The following AXDND1 variants were observed in gnomAD, a reference collection of about 807,000 sequenced individuals.
AXDND1 encodes axonemal dynein light chain domain-containing protein 1.
AXDND1 carries 110 observed loss-of-function variants against 137.5 expected under a neutral mutation model. That is an observed-to-expected ratio of 0.80 (90% confidence interval 0.69 to 0.94). AXDND1 has a LOEUF of 0.94. Among genes scored for constraint, AXDND1 ranks in the 40% least tolerant of loss-of-function variants. AXDND1 has a pLI of 0.00. For synonymous variants in AXDND1, 414 were observed against 399.7 expected (o/e 1.04, Z -0.43); for missense variants, 1,191 against 1,169.8 (o/e 1.02, Z -0.26).
At chr1:179,394,400 C>T (rs1650694439) in intron 10 of AXDND1, among the ~76,000 whole-genome samples, 1 of 151,962 alleles carries the variant, frequency 6.6e-6, no homozygotes, top group Non-Finnish European at 1.5e-5. Context: ...ACCAGCCTGG[C>T]CAACATGGTG....
At position 179,488,882 on chromosome 1, in the gene AXDND1, G is replaced by A. The variant is rs539850759; in HGVS notation, c.2092-2656G>A. On this transcript the variant is annotated intron_variant, in intron 18 of 25. Transcript: ENST00000367618. ...CCCAAGTAGCTGGAATTACAGGCGC[G>A]TGCCACCACACCAGGCCAATTTTTG... Among the ~76,000 whole-genome samples the A allele has an allele frequency of 1.2e-4, 17 of 145,308 alleles. 3 individuals are homozygous for A. The highest frequency in any genetic ancestry group is 6.4e-4 in the South Asian group (3 of 4,710).
At chr1:179,473,266 T>A (rs12133023) in intron 17 of AXDND1, among the ~76,000 whole-genome samples, 1 of 151,762 alleles carries the variant, frequency 6.6e-6, no homozygotes. Flanking sequence ...GAGGCCAAGA[T>A]GGGGGTGGAT....
intron 16 of AXDND1, chr1:179,457,278 C>G (rs895396271): frequency 3.0e-6 from 2 of 667,328 alleles, no homozygotes; most frequent in Non-Finnish European, 5.3e-6. Context: ...GCTCAACCGT[C>G]CAAGGAAGAG....
At chr1:179,432,974 A>G (rs1159738350) in intron 15 of AXDND1, among the ~76,000 whole-genome samples, 2 of 152,220 alleles carry the variant, frequency 1.3e-5, no homozygotes, top group Non-Finnish European at 2.9e-5. Context: ...ACTTTAAAAA[A>G]TATGCTTAAA....
intron 18 of AXDND1, among the ~76,000 whole-genome samples, chr1:179,485,158 C>G (rs1327550287): frequency 6.6e-6 from 1 of 152,200 alleles, no homozygotes; most frequent in African/African-American, 2.4e-5. Flanking sequence ...ACATCCCTGC[C>G]CTCATTAGTG....
chr1:179,369,918 T>G, intron 3 of AXDND1, 57 bp from the exon 4 acceptor site: 1 of 1,348,370 alleles, frequency 7.4e-7, no homozygotes, highest in South Asian at 1.2e-5. Context: ...TATTAATACA[T>G]TTTATTTGAT....
intron 21 of AXDND1, among the ~76,000 whole-genome samples, chr1:179,523,501 A>C (rs1670260752): frequency 6.6e-6 from 1 of 152,168 alleles, no homozygotes; most frequent in South Asian, 2.1e-4. Flanking sequence ...AATCATTCCC[A>C]AAAAGAAAAT....
At chr1:179,383,675 C>G in intron 8 of AXDND1, 131 bp downstream of exon 8, 1 of 626,374 alleles carries the variant, frequency 1.6e-6, no homozygotes. Context: ...GTATTTGTAC[C>G]TCAGTTTCCT....
chr1:179,413,030 G>C (rs770581514), intron 12 of AXDND1, among the ~76,000 whole-genome samples: 1 of 151,978 alleles, frequency 6.6e-6, no homozygotes, highest in Non-Finnish European at 1.5e-5. Context: ...TGTCAATTGA[G>C]ATTACTACAT....
Position 179,380,679 on chromosome 1 carries a change from A to G in AXDND1, c.581+1197A>G, listed in dbSNP as rs1484582416. Among the ~76,000 whole-genome samples the G allele has an allele frequency of 2.6e-5, 4 of 152,154 alleles. No individual in the cohort carries two copies. The East Asian group carries it at 7.7e-4, about 29-fold the overall frequency. ...ATCCAGAGGCTGTCACTCTTTTGAT[A>G]TTGTCTTTCCAATATGTATGTTATA... On this transcript the variant is annotated intron_variant, in intron 6 of 25. Transcript: ENST00000367618.
intron 14 of AXDND1, among the ~76,000 whole-genome samples, chr1:179,432,053 C>T (rs1657453050): frequency 1.3e-5 from 2 of 152,098 alleles, no homozygotes; most frequent in African/African-American, 4.8e-5. Context: ...GGCCCATGGC[C>T]CTGTAACTTG....
chr1:179,459,972 TCTTTTTC>T (rs1161213754), intron 16 of AXDND1, among the ~76,000 whole-genome samples: 1 of 140,042 alleles, frequency 7.1e-6, no homozygotes, highest in Non-Finnish European at 1.6e-5. Context: ...TTTCTTTCTT[TCTTTTTC>T]TTTCTTTCTT....
rs192078793 is a variant in AXDND1 at position 179,422,170 on chromosome 1, G to A, written c.1231-7348G>A. 6.4e-4 allele frequency among the ~76,000 whole-genome samples: 95 copies of A among 147,378 alleles called. 1 individual carries two copies. The highest frequency in any genetic ancestry group is 2.0e-4 in the Non-Finnish European group (13 of 66,520). The stretch of plus-strand genomic sequence containing the variant: ...CTTCTACTAATTTTAGGTTTGGTTT[G>A]TTCTTGCTTTTCTAGTTCCTTGAGG... On this transcript the variant is annotated intron_variant, in intron 12 of 25. Transcript: ENST00000367618.
At chr1:179,551,796 C>A (rs903797877) in intron 25 of AXDND1, 1 of 295,378 alleles carries the variant, frequency 3.4e-6, no homozygotes. Context: ...GAAAGGGTGA[C>A]CCCCAACTCA....
chr1:179,533,493 C>A (rs1419764679), intron 23 of AXDND1, among the ~76,000 whole-genome samples: 1 of 151,974 alleles, frequency 6.6e-6, no homozygotes, highest in South Asian at 2.1e-4. Flanking sequence ...TTTTTTAAAT[C>A]TTTTTTTATT....
At chr1:179,380,218 C>T (rs1648029751) in intron 6 of AXDND1, among the ~76,000 whole-genome samples, 1 of 151,370 alleles carries the variant, frequency 6.6e-6, no homozygotes, top group Non-Finnish European at 1.5e-5. Context: ...CACTGCACTC[C>T]AGCCTGGGCG....
At chr1:179,415,028 C>T (rs183832452) in intron 12 of AXDND1, among the ~76,000 whole-genome samples, 4 of 152,190 alleles carry the variant, frequency 2.6e-5, no homozygotes, top group Admixed American at 1.3e-4. Context: ...TTGGCACAAT[C>T]GATTATTCAA....
intron 21 of AXDND1, among the ~76,000 whole-genome samples, chr1:179,517,523 G>C (rs1354657644): frequency 2.0e-5 from 3 of 152,210 alleles, no homozygotes; most frequent in African/African-American, 7.2e-5. Context: ...CCTTCTCCTT[G>C]GGGCGTTTTC....
chr1:179,374,924 G>A (rs1668434873), intron 4 of AXDND1, among the ~76,000 whole-genome samples: 2 of 151,610 alleles, frequency 1.3e-5, no homozygotes, highest in Non-Finnish European at 1.5e-5. Flanking sequence ...ACATGTATAT[G>A]TATGTAACAA....
Sources: gnomAD v4.1 joint callset for allele counts (sites outside exome capture counted in the v4.1 genomes callset) on GRCh38, gnomAD v4.1.1 for gene constraint, MANE v1.5 for transcripts, NCBI Gene and HGNC (gene_info 2026-07-23, HGNC 2026-07-21) for gene names.